Variants in HDLBP observed in about 807,000 individuals in gnomAD.
The protein encoded by HDLBP is high density lipoprotein binding protein, also known as vigilin.
In HDLBP, 30 loss-of-function variants were observed where a neutral mutation model predicts 137.3. That is an observed-to-expected ratio of 0.22 (90% CI 0.16 to 0.30). HDLBP has a LOEUF of 0.30. Ranked by LOEUF, HDLBP falls within the 10% of genes least tolerant of loss-of-function variation. The probability of loss-of-function intolerance (pLI) is 1.00; values close to 1 mark genes in which losing one functional copy is unlikely to be tolerated. For synonymous variants in HDLBP, 606 were observed against 596.0 expected (o/e 1.02, Z -0.24); for missense variants, 1,119 against 1,667.3 (o/e 0.67, Z 5.73).
chr2:241,245,994 G>C (rs1188108677), intron 16 of HDLBP, among the ~76,000 whole-genome samples: 1 of 150,150 alleles, frequency 6.7e-6, no homozygotes, highest in Non-Finnish European at 1.5e-5. Context: ...TGACACCTTG[G>C]AGAAAATAGA....
At chr2:241,268,408 C>T (rs138473198) in intron 2 of HDLBP, 69 bp downstream of exon 2, 17 of 928,676 alleles carry the variant, frequency 1.8e-5, no homozygotes, top group South Asian at 5.0e-5. Flanking sequence ...TAAGAAAATA[C>T]GCATCCCTGC....
In HDLBP at chr2:241,272,821, C is replaced by G. The variant is rs1195392247; in HGVS notation, c.-102-4280G>C. The stretch of plus-strand genomic sequence containing the variant: ...TACTCGCCCCCCGCGCGGGAGAAGC[C>G]GGGACGCTCCGAGGCGCGGCGCCCG... On this transcript the variant is annotated intron_variant, in intron 1 of 27. Coordinates refer to ENST00000310931, the MANE Select transcript of HDLBP (RefSeq NM_005336.6). This position sits in a 1 kb window ranked among gnomAD's most constrained non-coding sequence, Gnocchi z 5.6. 6 of 280,086 alleles carry G rather than the reference C, an allele frequency of 2.1e-5. No homozygotes were observed. The highest frequency in any genetic ancestry group is 3.2e-5 in the Non-Finnish European group (6 of 185,760). 17.4% of individuals were successfully genotyped at this position (280,086 alleles called of 1,614,324 possible). A position where few individuals can be genotyped will look rare whatever the true frequency, so the allele number is the denominator to read the frequency against.
chr2:241,229,707 G>T lies in HDLBP; in HGVS notation c.3721-20C>A. On this transcript the variant is annotated intron_variant, in intron 27 of 27. Transcript: ENST00000310931. Reference sequence around the variant, plus strand: ...AGGAGCCTGTGCAGAGAGAGGACACGGCTTCAGGAGGGGATGCTCCCCAAC... The same window carrying T: ...AGGAGCCTGTGCAGAGAGAGGACACTGCTTCAGGAGGGGATGCTCCCCAAC... 6.2e-7 allele frequency: 1 copy of T among 1,613,082 alleles called. No individual in the cohort carries two copies. The highest frequency in any genetic ancestry group is 8.5e-7 in the Non-Finnish European group (1 of 1,179,112).
chr2:241,232,666 G>A (rs1196197410), intron 24 of HDLBP, among the ~76,000 whole-genome samples: 3 of 152,036 alleles, frequency 2.0e-5, no homozygotes, highest in Non-Finnish European at 4.4e-5. Context: ...CTAAACTCTT[G>A]GGCTGGGAGC....
chr2:241,273,297 G>A, intron 1 of HDLBP: 1 of 929,396 alleles, frequency 1.1e-6, no homozygotes, highest in Non-Finnish European at 1.3e-6. Flanking sequence ...TATTCCTTAT[G>A]TCCCTCACTT....
chr2:241,276,312 T>C (rs1172828495), intron 1 of HDLBP, among the ~76,000 whole-genome samples: 1 of 152,200 alleles, frequency 6.6e-6, no homozygotes, highest in African/African-American at 2.4e-5. Context: ...GGCAATGTTC[T>C]AGATCTTGGA....
chr2:241,287,445 G>A (rs1364692206), intron 1 of HDLBP, among the ~76,000 whole-genome samples: 3 of 146,950 alleles, frequency 2.0e-5, no homozygotes, highest in African/African-American at 7.5e-5. Flanking sequence ...TTCTGAGACA[G>A]GGTCTTACTC....
intron 1 of HDLBP, among the ~76,000 whole-genome samples, chr2:241,298,255 A>C (rs1234711122): frequency 6.6e-6 from 1 of 151,906 alleles, no homozygotes; most frequent in Non-Finnish European, 1.5e-5. Context: ...AATCTCAGCT[A>C]CTCAGGAGAC....
chr2:241,262,579 G>A (rs943810557), intron 5 of HDLBP, 132 bp downstream of exon 5: 9 of 645,418 alleles, frequency 1.4e-5, no homozygotes, highest in Middle Eastern at 8.7e-4. Context: ...TCTGAATGTT[G>A]CTGTCCTACC....
At chr2:241,290,921 A>G (rs1452661133) in intron 1 of HDLBP, among the ~76,000 whole-genome samples, 1 of 152,236 alleles carries the variant, frequency 6.6e-6, no homozygotes, top group East Asian at 1.9e-4. Flanking sequence ...AATATATTGT[A>G]TGAAAAATAT....
rs764310403 is a variant in HDLBP, at chr2:241,248,306, G to A, written c.1555C>T (p.His519Tyr). The A allele has an allele frequency of 1.2e-6, 2 of 1,614,050 alleles. No homozygotes were observed. The highest frequency in any genetic ancestry group is 1.7e-6 in the Non-Finnish European group (2 of 1,179,884). The change falls in exon 13 of 28, where the codon CAT becomes TAT. Residue 519 changes from histidine (H) to tyrosine (Y), a missense_variant. By Grantham distance (83) the His-to-Tyr change is moderately conservative (BLOSUM62 2). Around this residue, in one of 4 missense-constraint regions of HDLBP, gnomAD observed 425 missense variants for 693.9 expected, o/e 0.61. Transcript: ENST00000310931. ...CCCTTCTGCCCAATGATTGTGCGAT[G>A]AAATCTTTGCTCAATGATTAGATCC... is the stretch of plus-strand genomic sequence containing the variant. Reference protein sequence around the residue: ...TKDLIIEQRFHRTIIGQKGER... With the variant: ...TKDLIIEQRFYRTIIGQKGER...
intron 1 of HDLBP, among the ~76,000 whole-genome samples, chr2:241,305,853 C>A (rs1179769741): frequency 6.6e-6 from 1 of 151,168 alleles, no homozygotes; most frequent in African/African-American, 2.4e-5. Flanking sequence ...TTCCGCCTCC[C>A]GGGTTCACGC....
At chr2:241,293,939 A>G (rs200141241) in intron 1 of HDLBP, among the ~76,000 whole-genome samples, 2 of 152,024 alleles carry the variant, frequency 1.3e-5, no homozygotes, top group Non-Finnish European at 2.9e-5. Context: ...AAAAAAAACA[A>G]AAACAGAAAC....
chr2:241,263,947 A>T (rs1369353636), intron 4 of HDLBP, among the ~76,000 whole-genome samples: 1 of 152,142 alleles, frequency 6.6e-6, no homozygotes, highest in African/African-American at 2.4e-5. Flanking sequence ...GGATGATTTA[A>T]ATTGAAGGCC....
chr2:241,266,421 G>C, intron 3 of HDLBP: 1 of 233,478 alleles, frequency 4.3e-6, no homozygotes, highest in Non-Finnish European at 8.5e-6. Context: ...CCGAAGCCAG[G>C]GTCCAGCCTT....
chr2:241,301,432 C>T (rs1464887668), intron 1 of HDLBP, among the ~76,000 whole-genome samples: 1 of 152,016 alleles, frequency 6.6e-6, no homozygotes, highest in Non-Finnish European at 1.5e-5. Context: ...GAAAGCATAT[C>T]ACGTAAGAAG....
chr2:241,241,811 AG>A (rs1240867916), intron 17 of HDLBP, among the ~76,000 whole-genome samples: 1 of 152,216 alleles, frequency 6.6e-6, no homozygotes, highest in Non-Finnish European at 1.5e-5. Context: ...ACACCAATAA[AG>A]AATCACAGAC....
Position 241,242,523 on chromosome 2 carries a change from G to A in HDLBP, c.2106C>T (p.Ile702=), listed in dbSNP as rs146439982. ...TCTCCACATCCGAGGAAGGGCCCCTGATAACAACGGTGTCGCTTCCTGAAC... is the reference window on the plus strand; with the variant it reads ...TCTCCACATCCGAGGAAGGGCCCCTAATAACAACGGTGTCGCTTCCTGAAC... ...VEGSGSDTVV[I]RGPSSDVEKA... is the part of the protein sequence containing the mutation. The change falls in exon 17 of 28, where the codon ATC becomes ATT. Residue 702 remains isoleucine, a synonymous_variant. Coordinates refer to ENST00000310931, the MANE Select transcript of HDLBP (RefSeq NM_005336.6). 5.9e-5 allele frequency: 96 copies of A among 1,614,168 alleles called. 1 individual carries two copies. The African/African-American group carries it at 1.2e-3, about 20-fold the overall frequency.
chr2:241,237,171 C>A (rs748570433), intron 20 of HDLBP, among the ~76,000 whole-genome samples: 5 of 152,144 alleles, frequency 3.3e-5, no homozygotes, highest in Non-Finnish European at 7.3e-5. Context: ...TGAGGCAGGG[C>A]TCATCAGGGA....
Sources: gnomAD v4.1 joint callset for allele counts (sites outside exome capture counted in the v4.1 genomes callset) on GRCh38, gnomAD v4.1.1 for gene constraint, gnomAD v4.1.1 regional missense constraint, Gnocchi (gnomAD v3.1) non-coding constraint, MANE v1.5 for transcripts, NCBI Gene and HGNC (gene_info 2026-07-23, HGNC 2026-07-21) for gene names.